RBFOX1: variants seen among roughly 807,000 people sequenced by gnomAD.
The protein encoded by RBFOX1 is RNA binding fox-1 homolog 1.
A neutral mutation model predicts 57.7 loss-of-function variants in RBFOX1; 8 were observed. The observed-to-expected ratio is 0.14, with a 90% confidence interval of 0.08 to 0.25. RBFOX1 has a LOEUF of 0.25. Among genes scored for constraint, RBFOX1 ranks in the 10% least tolerant of loss-of-function variants. RBFOX1 has a pLI of 1.00. For synonymous variants in RBFOX1, 326 were observed against 222.4 expected (o/e 1.47, Z -4.15); for missense variants, 611 against 548.5 (o/e 1.11, Z -1.14).
At chr16:6,082,141 A>G (rs982449788) in intron 1 of RBFOX1, among the ~76,000 whole-genome samples, 4 of 148,942 alleles carry the variant, frequency 2.7e-5, no homozygotes, top group Admixed American at 2.7e-4. Flanking sequence ...AATTTAAACA[A>G]CTTATGATTT....
At chr16:5,428,105 GGTGTGTGTGTGTGTGTCTGTGT>G (rs1209931419) in intron 1 of RBFOX1, among the ~76,000 whole-genome samples, 10 of 138,084 alleles carry the variant, frequency 7.2e-5, no homozygotes, top group Non-Finnish European at 1.6e-4. Context: ...GCTCTGGAAG[GGTGTGTGTGTGTGTGTCTGTGT>G]GTGTGTGTGT....
chr16:5,963,323 C>A (rs1049830724), intron 4 of RBFOX1, among the ~76,000 whole-genome samples: 3 of 152,138 alleles, frequency 2.0e-5, no homozygotes, highest in African/African-American at 7.2e-5. Flanking sequence ...ATCATTCCCA[C>A]CATTGCCATT....
intron 3 of RBFOX1, among the ~76,000 whole-genome samples, chr16:6,800,387 T>C (rs979823693): frequency 3.9e-5 from 6 of 152,158 alleles, no homozygotes; most frequent in Admixed American, 3.9e-4. Flanking sequence ...GGTTTCCTAC[T>C]CTAGGATAGT....
At chr16:7,209,222 C>T (rs1055742918) in intron 4 of RBFOX1, among the ~76,000 whole-genome samples, 2 of 151,614 alleles carry the variant, frequency 1.3e-5, no homozygotes, top group African/African-American at 4.8e-5. Context: ...GTAATGCCAG[C>T]TACTTGGGAG....
intron 1 of RBFOX1, among the ~76,000 whole-genome samples, chr16:6,232,705 G>A (rs12927701): frequency 0.96 from 145,842 of 152,234 alleles, 70,149 homozygotes; most frequent in East Asian, 1. Flanking sequence ...TCTGCCTTGT[G>A]CCTGCCTGTC....
intron 2 of RBFOX1, among the ~76,000 whole-genome samples, chr16:6,398,325 G>A (rs2092925267): frequency 1.3e-5 from 2 of 152,094 alleles, no homozygotes; most frequent in East Asian, 1.9e-4. Context: ...CAAATCTCAT[G>A]TCCTCACATT....
chr16:7,105,749 CAG>C (rs2063471461), intron 4 of RBFOX1, among the ~76,000 whole-genome samples: 2 of 149,090 alleles, frequency 1.3e-5, no homozygotes, highest in South Asian at 2.2e-4. Context: ...GATTCAGTCA[CAG>C]AGATATATAT....
chr16:7,042,905 G>A (rs2046646451), intron 3 of RBFOX1, among the ~76,000 whole-genome samples: 1 of 152,166 alleles, frequency 6.6e-6, no homozygotes, highest in Non-Finnish European at 1.5e-5. Flanking sequence ...CAGCCTGGGT[G>A]ACAGAGGAAG....
chr16:7,345,143 G>C (rs1019492934), intron 4 of RBFOX1, among the ~76,000 whole-genome samples: 1 of 152,122 alleles, frequency 6.6e-6, no homozygotes, highest in Non-Finnish European at 1.5e-5. Context: ...TCTGTTTTCC[G>C]TTTAAACACA....
At chr16:5,790,142 G>C (rs1430196081) in intron 3 of RBFOX1, among the ~76,000 whole-genome samples, 1 of 152,192 alleles carries the variant, frequency 6.6e-6, no homozygotes, top group Admixed American at 6.5e-5. Flanking sequence ...AAGAGTGCGA[G>C]GGTCTCACAT....
At chr16:6,471,690 C>T (rs910009405) in intron 2 of RBFOX1, among the ~76,000 whole-genome samples, 5 of 151,884 alleles carry the variant, frequency 3.3e-5, no homozygotes, top group African/African-American at 1.2e-4. Flanking sequence ...CATGAAAGAC[C>T]ATGAGCCACA....
chr16:7,333,138 G>A, intron 4 of RBFOX1: 3 of 1,539,512 alleles, frequency 1.9e-6, no homozygotes, highest in Non-Finnish European at 2.7e-6. Context: ...AGTGCTCAGA[G>A]TAATAATTGG....
At chr16:7,166,972 CTTTTTTTTTTTTTTTTTTTTTTTTT>C (rs537293692) in intron 4 of RBFOX1, among the ~76,000 whole-genome samples, 1 of 49,098 alleles carries the variant, frequency 2.0e-5, no homozygotes, top group Admixed American at 2.8e-4. Flanking sequence ...CATTGGTGTT[CTTTTTTTTTTTTTTTTTTTTTTTTT>C]TTTTTTTTTT....
rs150923138 is a variant in RBFOX1, at chr16:5,449,399, C to T, written c.220-17817C>T. Among the ~76,000 whole-genome samples the T allele has an allele frequency of 1.7e-4, 26 of 152,300 alleles. No individual in the cohort carries two copies. The East Asian group carries it at 3.5e-3, about 20-fold the overall frequency. On this transcript the variant is annotated intron_variant, in intron 1 of 2. Coordinates refer to the RBFOX1 transcript ENST00000585867. ...ATTGTGCTTCTTTCCTTCACAGTAGCACAAACCTCAGTTTCTGTTTATGTA... is the reference window on the plus strand; with the variant it reads ...ATTGTGCTTCTTTCCTTCACAGTAGTACAAACCTCAGTTTCTGTTTATGTA...
chr16:6,968,338 C>G (rs1022673324), intron 3 of RBFOX1, among the ~76,000 whole-genome samples: 7 of 152,168 alleles, frequency 4.6e-5, no homozygotes, highest in African/African-American at 7.2e-5. Flanking sequence ...GCAAACATTT[C>G]ATTTCTTTTC....
At chr16:5,945,713 C>T (rs1442880692) in intron 4 of RBFOX1, among the ~76,000 whole-genome samples, 1 of 152,230 alleles carries the variant, frequency 6.6e-6, no homozygotes, top group Non-Finnish European at 1.5e-5. Flanking sequence ...CAGGTAGAAT[C>T]TGCAAACCTC....
At chr16:6,368,945 C>T (rs991143351) in intron 2 of RBFOX1, among the ~76,000 whole-genome samples, 6 of 152,168 alleles carry the variant, frequency 3.9e-5, no homozygotes, top group African/African-American at 1.4e-4. Flanking sequence ...ACGAATCTCA[C>T]AATTTTAGTG....
intron 4 of RBFOX1, among the ~76,000 whole-genome samples, chr16:7,097,948 T>C (rs2061979411): frequency 6.6e-6 from 1 of 152,274 alleles, no homozygotes; most frequent in Middle Eastern, 3.4e-3. Flanking sequence ...GGATCAGAAA[T>C]ACAAAACAGT....
At chr16:5,597,248 G>A (rs1056487368) in intron 2 of RBFOX1, among the ~76,000 whole-genome samples, 1 of 89,766 alleles carries the variant, frequency 1.1e-5, no homozygotes, top group African/African-American at 5.0e-5. Flanking sequence ...CCCCCCTCCC[G>A]CTTTCTCTGC....
Sources: gnomAD v4.1 joint callset for allele counts (sites outside exome capture counted in the v4.1 genomes callset) on GRCh38, gnomAD v4.1.1 for gene constraint, MANE v1.5 for transcripts, NCBI Gene and HGNC (gene_info 2026-07-23, HGNC 2026-07-21) for gene names.